CPSF6: variants seen among roughly 807,000 people sequenced by gnomAD.
CPSF6 encodes cleavage and polyadenylation specific factor 6, also known as cleavage and polyadenylation specificity factor subunit 6.
In CPSF6, 10 loss-of-function variants were observed where a neutral mutation model predicts 56.7. The observed-to-expected ratio is 0.18, with a 90% CI of 0.11 to 0.30. The LOEUF is 0.30. CPSF6 is among the 10% of genes least tolerant of loss of function. The pLI, the probability that CPSF6 is intolerant of heterozygous loss-of-function variation, is 1.00. For synonymous variants in CPSF6, 248 were observed against 244.8 expected, an observed-to-expected ratio of 1.01 and a Z score of -0.12; for missense variants, 419 against 722.9, an observed-to-expected ratio of 0.58 and a Z score of 4.82.
intron 1 of CPSF6, among the ~76,000 whole-genome samples, chr12:69,243,589 A>G (rs375220893): frequency 9.8e-5 from 15 of 152,326 alleles, no homozygotes; most frequent in East Asian, 7.7e-4. Context: ...TTGTGTATCT[A>G]ATATATCTAA....
rs764487018 is a variant in CPSF6, at chr12:69,260,208, C to G, written c.1469+11C>G. 12 of 1,546,520 alleles carry G rather than the reference C, an allele frequency of 7.8e-6. No individual in the cohort carries two copies. The highest frequency in any genetic ancestry group is 2.2e-5 in the Admixed American group (1 of 46,332). On this transcript the variant is annotated intron_variant, in intron 8 of 9. Coordinates refer to ENST00000435070, the MANE Select transcript of CPSF6 (RefSeq NM_007007.3). ...TGGTTCTGGATCAAGGTAAAACTTT[C>G]CTGTCTCATTTCCATTTAAAAAAAC...
intron 8 of CPSF6, among the ~76,000 whole-genome samples, chr12:69,261,818 A>G (rs1187705796): frequency 6.6e-6 from 1 of 152,276 alleles, no homozygotes; most frequent in South Asian, 2.1e-4. Flanking sequence ...TGTGAATACT[A>G]TATCTATTCT....
chr12:69,257,415 A>T (rs928240693), intron 4 of CPSF6, among the ~76,000 whole-genome samples: 1 of 152,238 alleles, frequency 6.6e-6, no homozygotes, highest in Non-Finnish European at 1.5e-5. Flanking sequence ...GTGTGTTACA[A>T]AATTTAAATG....
intron 9 of CPSF6, among the ~76,000 whole-genome samples, chr12:69,264,007 A>T (rs1005628102): frequency 1.3e-5 from 2 of 152,066 alleles, no homozygotes; most frequent in African/African-American, 4.8e-5. Flanking sequence ...ATTGAAATTG[A>T]TATTGTTTTT....
At chr12:69,248,563 C>T (rs935646451) in intron 1 of CPSF6, among the ~76,000 whole-genome samples, 1 of 152,204 alleles carries the variant, frequency 6.6e-6, no homozygotes, top group African/African-American at 2.4e-5. Flanking sequence ...CAAAACTTAC[C>T]CTCTTTTTTC....
In CPSF6 at chr12:69,270,938, A is replaced by T. The variant is rs918798072; in HGVS notation, c.*1430A>T. 1 of 151,738 alleles carries T rather than the reference A, an allele frequency of 6.6e-6. No homozygotes were observed. The highest frequency in any genetic ancestry group is 1.5e-5 in the Non-Finnish European group (1 of 67,684). 9.4% of individuals were successfully genotyped at this position (151,738 alleles called of 1,614,324 possible). On this transcript the variant is annotated 3_prime_UTR_variant, in exon 10 of 10. Transcript: ENST00000435070. The stretch of plus-strand genomic sequence containing the variant: ...TTTGAGAGATCTTCTGTTAATACAC[A>T]TTGGTTGTTAAAGAGTACCCAAATT...
At chr12:69,245,889 C>G (rs1022098235) in intron 1 of CPSF6, among the ~76,000 whole-genome samples, 1 of 152,194 alleles carries the variant, frequency 6.6e-6, no homozygotes, top group Non-Finnish European at 1.5e-5. Context: ...AGTTTGAGAC[C>G]TGCCTGGCCA....
chr12:69,252,060 G>A (rs956544622), intron 2 of CPSF6: 4 of 453,420 alleles, frequency 8.8e-6, no homozygotes, highest in East Asian at 7.0e-5. Flanking sequence ...ATTTTTAAAC[G>A]TTTTATTTAC....
At position 69,256,670 on chromosome 12, in the gene CPSF6, T is replaced by C. The variant is rs372287328; in HGVS notation, c.375-27T>C. On this transcript the variant is annotated intron_variant, in intron 3 of 9. Coordinates refer to ENST00000435070, the MANE Select transcript of CPSF6 (RefSeq NM_007007.3). Reference sequence around the variant, plus strand: ...ATAATATTGATCTCTTTTTACTTTGTATCCTCACCCCTTAAACACTTTTTA... The same window carrying C: ...ATAATATTGATCTCTTTTTACTTTGCATCCTCACCCCTTAAACACTTTTTA... The C allele has an allele frequency of 2.5e-6, 4 of 1,586,916 alleles. No individual in the cohort carries two copies. The African/African-American group carries it at 5.5e-5, about 22-fold the overall frequency.
intron 8 of CPSF6, among the ~76,000 whole-genome samples, chr12:69,261,294 C>G (rs1462401860): frequency 6.6e-6 from 1 of 152,016 alleles, no homozygotes; most frequent in African/African-American, 2.4e-5. Flanking sequence ...TTTTGAAGTC[C>G]AAAGTAATAA....
Position 69,253,151 on chromosome 12 carries a change from A to G in CPSF6, c.371A>G (p.Lys124Arg). Residue 124 changes from lysine (K) to arginine (R), a missense_variant, in exon 3 of 10, where the codon AAG (lysine) becomes AGG (arginine). This residue lies in a region of CPSF6 where 125 missense variants were observed against 216.4 expected (regional missense o/e 0.58). Coordinates refer to ENST00000435070, the MANE Select transcript of CPSF6 (RefSeq NM_007007.3). ...GAAAATCGGGCAAATGGCCAGTCAA[A>G]GGGGTAAGTTTTTTTTTTCTTTCTT... ...FFENRANGQS[K>R]GFALVGVGSE... The G allele has an allele frequency of 6.6e-7, 1 of 1,509,690 alleles. No homozygotes were observed. The highest frequency in any genetic ancestry group is 9.1e-7 in the Non-Finnish European group (1 of 1,104,346). The allele number at this position is 1,509,690 out of a possible 1,614,324, so 93.5% of individuals were successfully genotyped here. A position where few individuals can be genotyped will look rare whatever the true frequency, so the allele number is the denominator to read the frequency against.
rs781374931 is a variant in CPSF6, at chr12:69,273,201, A to G, written c.*3693A>G. The G allele has an allele frequency of 3.9e-6, 2 of 518,004 alleles. No homozygotes were observed. Among genetic ancestry groups the G allele is most frequent in the Non-Finnish European group, 7.9e-6 (2 of 253,474 alleles). 32.1% of individuals were successfully genotyped at this position (518,004 alleles called of 1,614,324 possible). A position where few individuals can be genotyped will look rare whatever the true frequency, so the allele number is the denominator to read the frequency against. ...TTTCTTGGCATTAGAAAGAAGCAAT[A>G]TGAATTTTTGTGAATATTCTAAATA... On this transcript the variant is annotated 3_prime_UTR_variant, in exon 10 of 10. Coordinates refer to ENST00000435070, the MANE Select transcript of CPSF6 (RefSeq NM_007007.3).
chr12:69,268,677 C>CA (rs1769864564), intron 9 of CPSF6, among the ~76,000 whole-genome samples: 1 of 151,548 alleles, frequency 6.6e-6, no homozygotes, highest in South Asian at 2.1e-4. Context: ...TACTTATATC[C>CA]AAGTTAATTG....
chr12:69,259,087 C>G lies in CPSF6; in HGVS notation c.1192C>G (p.Pro398Ala), dbSNP rs1029617300. 1.3e-6 allele frequency: 2 copies of G among 1,599,174 alleles called. No individual in the cohort carries two copies. Among genetic ancestry groups the G allele is most frequent in the East Asian group, 2.2e-5 (1 of 44,848 alleles). Residue 398 changes from proline to alanine, a missense_variant, in exon 6 of 10, where the codon CCT becomes GCT. Transcript: ENST00000435070. ...ATATGATAGGGGTGACTATGGCCCC[C>G]CTGGAAGGTAAGTTAGTGTGTATCT... ...PPYDRGDYGP[P>A]GREMDTARTP...
At chr12:69,263,709 C>T (rs1231460435) in intron 9 of CPSF6, among the ~76,000 whole-genome samples, 1 of 151,988 alleles carries the variant, frequency 6.6e-6, no homozygotes, top group Non-Finnish European at 1.5e-5. Flanking sequence ...AATTCTGTGA[C>T]AGAATACCAA....
chr12:69,251,533 G>A (rs138131018), intron 2 of CPSF6, among the ~76,000 whole-genome samples, 195 bp downstream of exon 2: 1 of 151,884 alleles, frequency 6.6e-6, no homozygotes, highest in Non-Finnish European at 1.5e-5. Context: ...TTTGAGTTTT[G>A]TGGTCATTCA....
intron 9 of CPSF6, among the ~76,000 whole-genome samples, 191 bp downstream of exon 9, chr12:69,262,753 T>C (rs527294206): frequency 1.3e-5 from 2 of 152,344 alleles, no homozygotes; most frequent in Admixed American, 6.5e-5. Flanking sequence ...CTTTATCTTA[T>C]GAATATTTTA....
intron 1 of CPSF6, among the ~76,000 whole-genome samples, chr12:69,244,210 C>T (rs1414023587): frequency 1.3e-5 from 2 of 152,038 alleles, no homozygotes; most frequent in Non-Finnish European, 2.9e-5. Flanking sequence ...TCTTTATATC[C>T]TTATACTGTA....
chr12:69,249,732 A>G (rs899572132), intron 1 of CPSF6, among the ~76,000 whole-genome samples: 2 of 152,230 alleles, frequency 1.3e-5, no homozygotes, highest in Admixed American at 6.5e-5. Flanking sequence ...ATCAAAGGCA[A>G]TTAAATAGTG....
Sources: allele counts gnomAD v4.1 joint callset (sites outside exome capture counted in the v4.1 genomes callset), GRCh38; gene constraint gnomAD v4.1.1; regional missense constraint gnomAD v4.1.1; transcripts MANE v1.5; gene names NCBI Gene and HGNC (gene_info 2026-07-23, HGNC 2026-07-21).